Variants in EYA1 observed in about 807,000 individuals in gnomAD.
The protein encoded by EYA1 is EYA transcriptional coactivator and phosphatase 1, also known as protein phosphatase EYA1.
EYA1 carries 16 observed loss-of-function variants against 82.0 expected under a neutral mutation model. The observed-to-expected ratio is 0.20, with a 90% CI of 0.13 to 0.30. The LOEUF (loss-of-function observed/expected upper bound fraction) is 0.30, where lower values mean the gene tolerates loss of function less well. EYA1 is among the 10% of genes least tolerant of loss of function. The probability of loss-of-function intolerance (pLI) is 1.00; values close to 1 mark genes in which losing one functional copy is unlikely to be tolerated. For missense variants in EYA1, 633 were observed against 730.7 expected (o/e 0.87, Z 1.54); for synonymous variants, 261 against 264.4 (o/e 0.99, Z 0.12).
intron 2 of EYA1, among the ~76,000 whole-genome samples, chr8:71,518,337 C>T (rs918775039): frequency 3.9e-5 from 6 of 152,132 alleles, no homozygotes; most frequent in African/African-American, 1.4e-4. Flanking sequence ...TCACTTAAAC[C>T]TCTCAATTTC....
upstream of EYA1, among the ~76,000 whole-genome samples, chr8:71,365,040 A>G (rs1372957239): frequency 6.7e-6 from 1 of 148,522 alleles, no homozygotes; most frequent in Non-Finnish European, 1.5e-5. Flanking sequence ...TTCAATACAT[A>G]TTACAAATGT....
intron 11 of EYA1, among the ~76,000 whole-genome samples, chr8:71,262,914 C>T (rs1047683309): frequency 2.0e-5 from 3 of 152,154 alleles, no homozygotes; most frequent in African/African-American, 2.4e-5. Context: ...TTATTTCATC[C>T]TTTTTATCTA....
chr8:71,432,305 A>C (rs1351869094), intron 2 of EYA1, among the ~76,000 whole-genome samples: 1 of 152,210 alleles, frequency 6.6e-6, no homozygotes, highest in Non-Finnish European at 1.5e-5. Context: ...CTGCCTAACA[A>C]TATCAAATGC....
intron 3 of EYA1, among the ~76,000 whole-genome samples, chr8:71,335,668 G>C (rs1824400815): frequency 6.6e-6 from 1 of 152,050 alleles, no homozygotes; most frequent in African/African-American, 2.4e-5. Flanking sequence ...CATGACACCA[G>C]ACAACCTAAT....
At chr8:71,216,937 T>C in intron 13 of EYA1, 28 bp downstream of exon 13, 1 of 1,612,172 alleles carries the variant, frequency 6.2e-7, no homozygotes, top group Non-Finnish European at 8.5e-7. Flanking sequence ...AAAAGGGAGA[T>C]GGTCACTTCA....
intron 2 of EYA1, among the ~76,000 whole-genome samples, chr8:71,399,138 T>C (rs1313218739): frequency 6.6e-6 from 1 of 152,184 alleles, no homozygotes; most frequent in Admixed American, 6.5e-5. Flanking sequence ...GCTAAGGCAG[T>C]TGGAAAACCG....
At position 71,354,584 on chromosome 8, in the gene EYA1, T is replaced by G. The variant is rs77946035; in HGVS notation, c.124+198A>C. Among the ~76,000 whole-genome samples, 2,745 of 152,228 alleles carry G rather than the reference T, an allele frequency of 0.018. 47 individuals carry two copies. The highest frequency in any genetic ancestry group is 0.031 in the Non-Finnish European group (2,077 of 68,012). ...TATGCATTTGGTGAAACGAAACCAA[T>G]CTACGCAATGTTACAATAACTGGAA... On this transcript the variant is annotated intron_variant, in intron 3 of 17. Transcript: ENST00000340726.
At chr8:71,240,178 A>G (rs1471782012) in intron 12 of EYA1, among the ~76,000 whole-genome samples, 6 of 151,960 alleles carry the variant, frequency 3.9e-5, no homozygotes, top group African/African-American at 9.7e-5. Flanking sequence ...ACATAATGCT[A>G]TTACCTAAAG....
intron 1 of EYA1, among the ~76,000 whole-genome samples, chr8:71,538,021 C>A (rs920600330): frequency 6.6e-6 from 1 of 152,128 alleles, no homozygotes; most frequent in African/African-American, 2.4e-5. Flanking sequence ...ACTCAAAAAT[C>A]AAAAAATCAC....
At chr8:71,472,906 T>C (rs1482732912) in intron 2 of EYA1, among the ~76,000 whole-genome samples, 10 of 151,108 alleles carry the variant, frequency 6.6e-5, no homozygotes, top group African/African-American at 2.4e-4. Context: ...AAACACTGTA[T>C]AATTGGGGTG....
At chr8:71,223,168 G>A (rs907974004) in intron 12 of EYA1, among the ~76,000 whole-genome samples, 5 of 152,168 alleles carry the variant, frequency 3.3e-5, no homozygotes, top group African/African-American at 1.2e-4. Context: ...ATATCACACT[G>A]CCACAGCGTG....
chr8:71,461,033 A>T (rs1169015222), intron 2 of EYA1, among the ~76,000 whole-genome samples: 2 of 152,244 alleles, frequency 1.3e-5, no homozygotes, highest in South Asian at 4.1e-4. Flanking sequence ...ACAATTGGTT[A>T]TAAGTATAAT....
At chr8:71,532,349 G>A (rs889890015) in intron 2 of EYA1, among the ~76,000 whole-genome samples, 3 of 152,136 alleles carry the variant, frequency 2.0e-5, no homozygotes, top group African/African-American at 7.2e-5. Context: ...ACATCATGGA[G>A]CCAAAATTAC....
intron 2 of EYA1, among the ~76,000 whole-genome samples, chr8:71,464,136 AGGCGCTGCTCTCC>A (rs1808611142): frequency 6.6e-6 from 1 of 152,078 alleles, no homozygotes; most frequent in Admixed American, 6.5e-5. Flanking sequence ...TACCCTCCTC[AGGCGCTGCTCTCC>A]CCGAGGACTG....
upstream of EYA1, chr8:71,362,149 G>A: frequency 1.1e-6 from 1 of 902,268 alleles, no homozygotes; most frequent in South Asian, 5.3e-5. Flanking sequence ...GGAGCCTCGG[G>A]GCTTTCTTTT....
chr8:71,399,156 A>C (rs1384921749), intron 2 of EYA1, among the ~76,000 whole-genome samples: 2 of 152,166 alleles, frequency 1.3e-5, no homozygotes, highest in Non-Finnish European at 2.9e-5. Context: ...CCGCAGTATT[A>C]GGGTGGGAGT....
chr8:71,293,762 A>T (rs751775469), intron 9 of EYA1, among the ~76,000 whole-genome samples: 8 of 151,006 alleles, frequency 5.3e-5, no homozygotes, highest in Non-Finnish European at 1.2e-4. Context: ...AAACTCAGTA[A>T]TCTAGGAAAG....
At chr8:71,470,119 T>G (rs1809072374) in intron 2 of EYA1, among the ~76,000 whole-genome samples, 1 of 152,112 alleles carries the variant, frequency 6.6e-6, no homozygotes, top group Non-Finnish European at 1.5e-5. Context: ...CCTTTGCTAG[T>G]GTTCTCTAGC....
At chr8:71,395,215 TATACA>T (rs1829522606) in intron 2 of EYA1, among the ~76,000 whole-genome samples, 1 of 152,278 alleles carries the variant, frequency 6.6e-6, no homozygotes, top group African/African-American at 2.4e-5. Flanking sequence ...GTTTTCTAAA[TATACA>T]ATCATGTTAT....
Sources: gnomAD v4.1 joint callset for allele counts (sites outside exome capture counted in the v4.1 genomes callset) on GRCh38, gnomAD v4.1.1 for gene constraint, MANE v1.5 for transcripts, NCBI Gene and HGNC (gene_info 2026-07-23, HGNC 2026-07-21) for gene names.